SLC38A10: variants seen among roughly 807,000 people sequenced by gnomAD.
The protein encoded by SLC38A10 is Sodium-coupled neutral amino acid transporter 10.
Under a neutral mutation model 81.0 loss-of-function variants are expected in SLC38A10, and 53 were observed. The ratio of observed to expected loss-of-function variants is 0.65; its 90% CI spans 0.53 to 0.82. The LOEUF is 0.82. SLC38A10 is among the 40% of genes least tolerant of loss of function. The pLI is 0.00. For missense variants in SLC38A10, 1,471 were observed against 1,545.0 expected, an observed-to-expected ratio of 0.95 and a Z score of 0.80; for synonymous variants, 665 against 655.3, an observed-to-expected ratio of 1.01 and a Z score of -0.23.
chr17:81,278,361 G>A (rs1230767924), intron 6 of SLC38A10, among the ~76,000 whole-genome samples: 1 of 152,108 alleles, frequency 6.6e-6, no homozygotes, highest in East Asian at 1.9e-4. Context: ...TCCAGCTTGG[G>A]TGACACAGCA....
rs116440524 is a variant in SLC38A10, at chr17:81,284,817, G to T, written c.263+33C>A. On this transcript the variant is annotated intron_variant, in intron 3 of 15. Coordinates refer to ENST00000374759, the MANE Select transcript of SLC38A10 (RefSeq NM_001037984.3). ...GTCCCCAGTGTCTGGGTGCGGGGGT[G>T]GGGGGCAAGCGCAGCGGCAGGGCGG... 1.0e-3 allele frequency: 1,567 copies of T among 1,502,348 alleles called. 12 individuals carry two copies. In the African/African-American group the frequency reaches 0.02, roughly 19 times the overall value. 93.1% of individuals were successfully genotyped at this position (1,502,348 alleles called of 1,614,324 possible). A position where few individuals can be genotyped will look rare whatever the true frequency, so the allele number is the denominator to read the frequency against.
In SLC38A10 at chr17:81,265,006, TC is replaced by T. The variant is rs1384218024; in HGVS notation, c.1132-4613del. ...CTAAGCCACCTGCTGCTACACTCCC[TC>T]ATGGTTCCAGGGCAGCAGGACCAAA... On this transcript the variant is annotated intron_variant, in intron 10 of 15. Transcript: ENST00000374759. This position sits in a 1 kb window ranked among gnomAD's most constrained non-coding sequence, Gnocchi z 4.2. 6.6e-6 allele frequency: 1 copy of T among 152,264 alleles called. No homozygotes were observed. Among genetic ancestry groups the T allele is most frequent in the Non-Finnish European group, 1.5e-5 (1 of 68,092 alleles). 9.4% of individuals were successfully genotyped at this position (152,264 alleles called of 1,614,324 possible).
chr17:81,284,956 G>T, intron 2 of SLC38A10, 61 bp from the exon 3 acceptor site: 1 of 1,460,020 alleles, frequency 6.8e-7, no homozygotes, highest in Non-Finnish European at 9.2e-7. Context: ...CCAGAACAAA[G>T]GTACTGAGCC....
intron 10 of SLC38A10, among the ~76,000 whole-genome samples, chr17:81,261,271 A>ACACACTGGGCCCACTCCTCC (rs2063021089): frequency 6.6e-6 from 1 of 152,186 alleles, no homozygotes; most frequent in African/African-American, 2.4e-5. Context: ...ATGTTAGCGA[A>ACACACTGGGCCCACTCCTCC]CACACTGGGC....
Position 81,253,143 on chromosome 17 carries a change from G to A in SLC38A10, c.1386C>T (p.Pro462=), listed in dbSNP as rs537836281. 1.2e-4 allele frequency: 189 copies of A among 1,613,802 alleles called. No individual in the cohort carries two copies. The highest frequency in any genetic ancestry group is 7.6e-4 in the South Asian group (69 of 91,082). Residue 462 remains proline, a synonymous_variant, in exon 12 of 16, where the codon CCC becomes CCT. Coordinates refer to ENST00000374759, the MANE Select transcript of SLC38A10 (RefSeq NM_001037984.3). The surrounding 1 kb of genome is among the most constrained non-coding windows in gnomAD (Gnocchi z 4.1). The part of the protein sequence containing the change: ...EELEQAQIKG[P]VDVPGREDGK... ...CATCTTCCCGTCCAGGCACATCCAC[G>A]GGCCCCTTGATCTGGGCCTGCTCCA...
At chr17:81,272,016 T>G (rs908949768) in intron 9 of SLC38A10, among the ~76,000 whole-genome samples, 6 of 151,858 alleles carry the variant, frequency 4.0e-5, no homozygotes, top group African/African-American at 1.5e-4. Flanking sequence ...CGTGAGCCAC[T>G]GCGCCCAGCA....
In SLC38A10 at chr17:81,270,398, T is replaced by A. The variant is rs998249282; in HGVS notation, c.1131+520A>T. ...TGGAATCTTCCTACCACGGAACCCATGAAACGGCTAAAAATAGCGAGGCAG... is the reference window on the plus strand; with the variant it reads ...TGGAATCTTCCTACCACGGAACCCAAGAAACGGCTAAAAATAGCGAGGCAG... On this transcript the variant is annotated intron_variant, in intron 10 of 15. Transcript: ENST00000374759. The surrounding 1 kb of genome is among the most constrained non-coding windows in gnomAD (Gnocchi z 4.0). Among the ~76,000 whole-genome samples the A allele has an allele frequency of 6.6e-6, 1 of 152,196 alleles. No individual in the cohort carries two copies.
intron 2 of SLC38A10, among the ~76,000 whole-genome samples, chr17:81,287,562 G>A (rs774657232): frequency 6.6e-6 from 1 of 152,236 alleles, no homozygotes; most frequent in Non-Finnish European, 1.5e-5. Flanking sequence ...TGGAACCACC[G>A]TGTTTGGTGT....
At chr17:81,256,315 G>A (rs1232141418) in intron 11 of SLC38A10, among the ~76,000 whole-genome samples, 1 of 152,226 alleles carries the variant, frequency 6.6e-6, no homozygotes, top group Admixed American at 6.5e-5. Context: ...GAGGGGAAGG[G>A]GCAACATCTA....
rs1421661806 is a variant in SLC38A10, at chr17:81,276,189, C to T, written c.730-38G>A. The T allele has an allele frequency of 1.9e-6, 3 of 1,557,148 alleles. No homozygotes were observed. Among genetic ancestry groups the T allele is most frequent in the Non-Finnish European group, 2.6e-6 (3 of 1,149,236 alleles). On this transcript the variant is annotated intron_variant, in intron 7 of 15. Coordinates refer to ENST00000374759, the MANE Select transcript of SLC38A10 (RefSeq NM_001037984.3). This position sits in a 1 kb window ranked among gnomAD's most constrained non-coding sequence, Gnocchi z 4.7. ...AAGAAATGGCAACGTGGCAGACAGA[C>T]ATCCTAGCCGAGTGGCACCTGTCAC...
Position 81,251,632 on chromosome 17 carries a change from T to A in SLC38A10, c.1946-20A>T. ...TCCCACCTGCACACACGGTGAAGACTCAGAAGGTTTTGCAGGAAAGTCAAG... is the reference window on the plus strand; with the variant it reads ...TCCCACCTGCACACACGGTGAAGACACAGAAGGTTTTGCAGGAAAGTCAAG... On this transcript the variant is annotated intron_variant, in intron 13 of 15. Transcript: ENST00000374759. 6.8e-7 allele frequency: 1 copy of A among 1,470,980 alleles called. No homozygotes were observed. The highest frequency in any genetic ancestry group is 8.9e-7 in the Non-Finnish European group (1 of 1,119,838). The allele number at this position is 1,470,980 out of a possible 1,614,324, so 91.1% of individuals were successfully genotyped here.
At chr17:81,259,789 C>A (rs1213215302) in intron 11 of SLC38A10, among the ~76,000 whole-genome samples, 1 of 152,210 alleles carries the variant, frequency 6.6e-6, no homozygotes, top group South Asian at 2.1e-4. Context: ...GGCTCATGGT[C>A]CTAACTCCAC....
chr17:81,255,777 C>T (rs2062966550), intron 11 of SLC38A10, among the ~76,000 whole-genome samples: 1 of 152,204 alleles, frequency 6.6e-6, no homozygotes, highest in African/African-American at 2.4e-5. Context: ...AGGAGGATCA[C>T]TTGAGGTCAG....
chr17:81,284,112 C>T (rs1204256181), intron 3 of SLC38A10, among the ~76,000 whole-genome samples: 1 of 151,430 alleles, frequency 6.6e-6, no homozygotes, highest in Non-Finnish European at 1.5e-5. Flanking sequence ...AATCTCAGCA[C>T]TTTGGGAGGC....
intron 10 of SLC38A10, among the ~76,000 whole-genome samples, chr17:81,261,742 A>G (rs1398615104): frequency 6.6e-6 from 1 of 152,176 alleles, no homozygotes; most frequent in African/African-American, 2.4e-5. Context: ...GGCTCCGCCG[A>G]AGGGAGCCCG....
At position 81,281,318 on chromosome 17, in the gene SLC38A10, T is replaced by C. The variant is rs751687034; in HGVS notation, c.502-585A>G. 6.6e-6 allele frequency among the ~76,000 whole-genome samples: 1 copy of C among 152,160 alleles called. No homozygotes were observed. Among genetic ancestry groups the C allele is most frequent in the South Asian group, 2.1e-4 (1 of 4,818 alleles). Reference sequence around the variant, plus strand: ...CACTCAGGAAGGGTCATTTCTGACCTTGCCAGGGAACAGGAAGGTCCCAGG... The same window carrying C: ...CACTCAGGAAGGGTCATTTCTGACCCTGCCAGGGAACAGGAAGGTCCCAGG... On this transcript the variant is annotated intron_variant, in intron 5 of 15. Transcript: ENST00000374759. This position sits in a 1 kb window ranked among gnomAD's most constrained non-coding sequence, Gnocchi z 5.3.
Position 81,286,140 on chromosome 17 carries a change from C to T in SLC38A10, c.218-1245G>A, listed in dbSNP as rs1280410698. ...TGCTGTCACCAAGGAACGCCCTCCA[C>T]ACCCCTCAGTGACGGCACAGCCCGG... On this transcript the variant is annotated intron_variant, in intron 2 of 15. Coordinates refer to ENST00000374759, the MANE Select transcript of SLC38A10 (RefSeq NM_001037984.3). The surrounding 1 kb of genome is among the most constrained non-coding windows in gnomAD (Gnocchi z 6.0). 6.6e-6 allele frequency among the ~76,000 whole-genome samples: 1 copy of T among 152,228 alleles called. No homozygotes were observed. Among genetic ancestry groups the T allele is most frequent in the Admixed American group, 6.5e-5 (1 of 15,288 alleles).
At chr17:81,287,204 G>A (rs2146954803) in intron 2 of SLC38A10, among the ~76,000 whole-genome samples, 1 of 152,312 alleles carries the variant, frequency 6.6e-6, no homozygotes, top group Middle Eastern at 3.4e-3. Flanking sequence ...GGAGGGTAAA[G>A]CGATCAGCGG....
chr17:81,245,514 G>T lies in SLC38A10; in HGVS notation c.*42C>A. On this transcript the variant is annotated 3_prime_UTR_variant, in exon 16 of 16. Coordinates refer to ENST00000374759, the MANE Select transcript of SLC38A10 (RefSeq NM_001037984.3). ...GGCTGAGACAGACCTGCTGCTGGCC[G>T]AGGAGGGCAGTGGCTGGCGTGGCCC... 6.5e-7 allele frequency: 1 copy of T among 1,542,404 alleles called. No homozygotes were observed. The highest frequency in any genetic ancestry group is 1.2e-5 in the South Asian group (1 of 82,604).
Sources: allele counts gnomAD v4.1 joint callset (sites outside exome capture counted in the v4.1 genomes callset), GRCh38; gene constraint gnomAD v4.1.1; non-coding constraint Gnocchi (gnomAD v3.1); transcripts MANE v1.5; gene names NCBI Gene and HGNC (gene_info 2026-07-23, HGNC 2026-07-21).